RAB2A: variants seen among roughly 807,000 people sequenced by gnomAD.
RAB2A encodes the protein RAB2A, member RAS oncogene family, also known as ras-related protein Rab-2A.
In RAB2A, 7 loss-of-function variants were observed where a neutral mutation model predicts 32.5. The ratio of observed to expected loss-of-function variants is 0.22; its 90% CI spans 0.12 to 0.40. The LOEUF is 0.40. Among genes scored for constraint, RAB2A ranks in the 10% least tolerant of loss-of-function variants. RAB2A has a pLI of 1.00. For synonymous variants in RAB2A, 79 were observed against 85.2 expected (o/e 0.93, Z 0.40); for missense variants, 108 against 260.7 (o/e 0.41, Z 4.03).
At position 60,584,234 on chromosome 8, in the gene RAB2A, C is replaced by T; in HGVS notation, c.213C>T (p.Ile71=). ...DTAGQESFRS[I]TRSYYRGAAG... is the part of the protein sequence containing the mutation. ...CAGGGCAAGAATCCTTTCGTTCCAT[C>T]ACAAGGTCGTATTACAGAGGTGCAG... is the stretch of plus-strand genomic sequence containing the variant. Residue 71 remains isoleucine, a synonymous_variant, in exon 4 of 8, where the codon ATC becomes ATT. Transcript: ENST00000262646. 2 of 1,609,578 alleles carry T rather than the reference C, an allele frequency of 1.2e-6. No homozygotes were observed. The highest frequency in any genetic ancestry group is 8.5e-7 in the Non-Finnish European group (1 of 1,175,922).
intron 3 of RAB2A, among the ~76,000 whole-genome samples, chr8:60,583,881 C>T (rs975245886): frequency 1.3e-5 from 2 of 152,100 alleles, no homozygotes; most frequent in Non-Finnish European, 2.9e-5. Context: ...GCTAGGAGTC[C>T]ATTCTGTCCT....
chr8:60,569,738 C>T (rs1476352008), intron 2 of RAB2A, among the ~76,000 whole-genome samples: 1 of 152,130 alleles, frequency 6.6e-6, no homozygotes, highest in African/African-American at 2.4e-5. Context: ...GTTTCAAATT[C>T]CTAGGCTCAA....
chr8:60,604,631 G>GA (rs1183916588), intron 6 of RAB2A, among the ~76,000 whole-genome samples: 1 of 152,210 alleles, frequency 6.6e-6, no homozygotes, highest in East Asian at 1.9e-4. Context: ...CTTTAGCAAG[G>GA]AAGCTGGCTG....
intron 1 of RAB2A, among the ~76,000 whole-genome samples, chr8:60,551,327 A>G (rs1362061865): frequency 1.3e-5 from 2 of 152,240 alleles, no homozygotes; most frequent in East Asian, 1.9e-4. Flanking sequence ...ACATGTGGCT[A>G]ATGCTGAAAA....
intron 2 of RAB2A, among the ~76,000 whole-genome samples, chr8:60,561,204 G>T (rs999256761): frequency 4.6e-5 from 7 of 151,990 alleles, no homozygotes; most frequent in African/African-American, 1.7e-4. Flanking sequence ...GGTTTTTGGG[G>T]GCTTGCTCTT....
intron 6 of RAB2A, among the ~76,000 whole-genome samples, chr8:60,611,791 TTAAATCCACTTG>T (rs1355673765): frequency 6.6e-6 from 1 of 152,208 alleles, no homozygotes; most frequent in Non-Finnish European, 1.5e-5. Flanking sequence ...TGAGCTAAGT[TTAAATCCACTTG>T]AATTACAAAA....
At chr8:60,517,388 C>A in intron 1 of RAB2A, 135 bp downstream of exon 1, 1 of 853,148 alleles carries the variant, frequency 1.2e-6, no homozygotes, top group Non-Finnish European at 1.7e-6. Flanking sequence ...TCCATTTCCG[C>A]AGTGCTGGAG....
At chr8:60,541,837 G>A (rs1044203007) in intron 1 of RAB2A, among the ~76,000 whole-genome samples, 7 of 152,062 alleles carry the variant, frequency 4.6e-5, no homozygotes, top group African/African-American at 9.7e-5. Flanking sequence ...TTGGTTTCCT[G>A]GAGTCCACGT....
At chr8:60,566,054 A>G (rs1020172087) in intron 2 of RAB2A, among the ~76,000 whole-genome samples, 2 of 152,180 alleles carry the variant, frequency 1.3e-5, no homozygotes, top group African/African-American at 4.8e-5. Context: ...TTTTCCTCTC[A>G]GAATATGATC....
chr8:60,607,853 T>C (rs1186079575), intron 6 of RAB2A, among the ~76,000 whole-genome samples: 1 of 152,186 alleles, frequency 6.6e-6, no homozygotes, highest in Non-Finnish European at 1.5e-5. Flanking sequence ...CTTCAAACCA[T>C]CTCATTATAT....
At chr8:60,614,556 G>GT (rs1804417523) in intron 6 of RAB2A, among the ~76,000 whole-genome samples, 1 of 152,154 alleles carries the variant, frequency 6.6e-6, no homozygotes, top group Non-Finnish European at 1.5e-5. Flanking sequence ...AGTGACAATA[G>GT]TTTTAACAGG....
intron 1 of RAB2A, among the ~76,000 whole-genome samples, chr8:60,531,703 A>G (rs114109300): frequency 0.012 from 1,839 of 152,044 alleles, 36 homozygotes; most frequent in African/African-American, 0.042. Flanking sequence ...ATGTCTTCAT[A>G]GTCCACTTGA....
rs1586055531 is a variant in RAB2A at position 60,518,004 on chromosome 8, T to C, written c.46+751T>C. Among the ~76,000 whole-genome samples, 4 of 151,648 alleles carry C rather than the reference T, an allele frequency of 2.6e-5. 1 individual carries two copies. Among genetic ancestry groups the C allele is most frequent in the Admixed American group, 2.6e-4 (4 of 15,220 alleles). ...CTCTGGGTGTGTACTTAGGTATGTGTATGTTGAGGACGCTGATGTTTTAGA... is the reference window on the plus strand; with the variant it reads ...CTCTGGGTGTGTACTTAGGTATGTGCATGTTGAGGACGCTGATGTTTTAGA... On this transcript the variant is annotated intron_variant, in intron 1 of 7. Coordinates refer to ENST00000262646, the MANE Select transcript of RAB2A (RefSeq NM_002865.3).
chr8:60,530,252 C>T (rs1008625949), intron 1 of RAB2A, among the ~76,000 whole-genome samples: 3 of 151,476 alleles, frequency 2.0e-5, no homozygotes, highest in Non-Finnish European at 2.9e-5. Flanking sequence ...GGTTTCAAGC[C>T]GTTCTGCCTC....
At chr8:60,518,720 A>G (rs1807254370) in intron 1 of RAB2A, among the ~76,000 whole-genome samples, 1 of 151,752 alleles carries the variant, frequency 6.6e-6, no homozygotes, top group African/African-American at 2.4e-5. Context: ...TGTGTGTGGA[A>G]ATTGGATTTG....
At position 60,544,808 on chromosome 8, in the gene RAB2A, T is replaced by C. The variant is rs573940863; in HGVS notation, c.47-14044T>C. On this transcript the variant is annotated intron_variant, in intron 1 of 7. Coordinates refer to ENST00000262646, the MANE Select transcript of RAB2A (RefSeq NM_002865.3). The stretch of plus-strand genomic sequence containing the variant: ...TGGATTTGAACACTGGTGTTAAAAC[T>C]GTAAAGCCTGTTGTTTATTAATTTT... Among the ~76,000 whole-genome samples the C allele has an allele frequency of 3.3e-5, 5 of 152,340 alleles. No homozygotes were observed. The South Asian group carries it at 8.3e-4, about 25-fold the overall frequency.
chr8:60,572,091 T>G lies in RAB2A; in HGVS notation c.164T>G (p.Ile55Arg). ...ATGATAACTATTGATGGGAAACAGA[T>G]AAAACTTCAGATATGGGATACGGTA... ...ARMITIDGKQ[I>R]KLQIWDTAGQ... The change falls in exon 3 of 8, where the codon ATA (isoleucine) becomes AGA (arginine). Residue 55 changes from isoleucine to arginine, a missense_variant. By Grantham distance (97) the Ile-to-Arg change is moderately conservative. Around this residue, in one of 4 missense-constraint regions of RAB2A, gnomAD observed 79 missense variants for 199.8 expected, o/e 0.40. Coordinates refer to ENST00000262646, the MANE Select transcript of RAB2A (RefSeq NM_002865.3). 6.2e-7 allele frequency: 1 copy of G among 1,608,086 alleles called. No homozygotes were observed. The highest frequency in any genetic ancestry group is 8.5e-7 in the Non-Finnish European group (1 of 1,175,702).
chr8:60,521,829 C>T (rs1423943167), intron 1 of RAB2A, among the ~76,000 whole-genome samples: 1 of 152,214 alleles, frequency 6.6e-6, no homozygotes, highest in Admixed American at 6.5e-5. Context: ...CCATGTTGGT[C>T]TGACTGGGTC....
At chr8:60,605,050 AGGTCAG>A (rs1563484705) in intron 6 of RAB2A, among the ~76,000 whole-genome samples, 2 of 152,144 alleles carry the variant, frequency 1.3e-5, no homozygotes, top group African/African-American at 4.8e-5. Flanking sequence ...ATGGTTTTGT[AGGTCAG>A]GGCCAGGGTC....
Sources: allele counts gnomAD v4.1 joint callset (sites outside exome capture counted in the v4.1 genomes callset), GRCh38; gene constraint gnomAD v4.1.1; regional missense constraint gnomAD v4.1.1; transcripts MANE v1.5; gene names NCBI Gene and HGNC (gene_info 2026-07-23, HGNC 2026-07-21).